The following KCNQ5 variants were observed in gnomAD, a reference collection of about 807,000 sequenced individuals.
KCNQ5 encodes potassium voltage-gated channel subfamily KQT member 5.
In KCNQ5, 30 loss-of-function variants were observed where a neutral mutation model predicts 98.2. That is an observed-to-expected ratio of 0.31 (90% CI 0.23 to 0.41). The LOEUF (loss-of-function observed/expected upper bound fraction) is 0.41. Among genes scored for constraint, KCNQ5 ranks in the 10% least tolerant of loss-of-function variants. The pLI is 1.00. For synonymous variants in KCNQ5, 458 were observed against 449.4 expected, an observed-to-expected ratio of 1.02 and a Z score of -0.24; for missense variants, 835 against 1,182.5, an observed-to-expected ratio of 0.71 and a Z score of 4.31.
chr6:73,087,069 T>G (rs1353847596), intron 5 of KCNQ5, among the ~76,000 whole-genome samples: 1 of 152,210 alleles, frequency 6.6e-6, no homozygotes, highest in Non-Finnish European at 1.5e-5. Flanking sequence ...TAGAATTTAT[T>G]TTGAATTCAA....
rs1425978614 is a variant in KCNQ5, at chr6:73,197,496, T to C, written c.*2082T>C. 2 of 151,954 alleles carry C rather than the reference T, an allele frequency of 1.3e-5. No individual in the cohort carries two copies. Among genetic ancestry groups the C allele is most frequent in the Non-Finnish European group, 2.9e-5 (2 of 68,010 alleles). 9.4% of individuals were successfully genotyped at this position (151,954 alleles called of 1,614,324 possible). On this transcript the variant is annotated 3_prime_UTR_variant, in exon 14 of 14. Transcript: ENST00000370398. Reference sequence around the variant, plus strand: ...TAAGCAATTGTTTTCATTTTCAAAATACAGAATGTTAGTAAATTATGAAAA... The same window carrying C: ...TAAGCAATTGTTTTCATTTTCAAAACACAGAATGTTAGTAAATTATGAAAA...
intron 5 of KCNQ5, among the ~76,000 whole-genome samples, chr6:73,098,950 T>C (rs1293014644): frequency 6.6e-6 from 1 of 152,096 alleles, no homozygotes; most frequent in Admixed American, 6.5e-5. Context: ...TTTCAAGATA[T>C]ACACAGCATA....
At chr6:72,975,304 C>T (rs1008331908) in intron 1 of KCNQ5, among the ~76,000 whole-genome samples, 2 of 150,986 alleles carry the variant, frequency 1.3e-5, no homozygotes, top group African/African-American at 4.9e-5. Flanking sequence ...AGAAAAAAAA[C>T]ATACCTTTTT....
At chr6:72,751,206 C>T (rs1429086907) in intron 1 of KCNQ5, among the ~76,000 whole-genome samples, 1 of 151,438 alleles carries the variant, frequency 6.6e-6, no homozygotes, top group Non-Finnish European at 1.5e-5. Flanking sequence ...TATTGAAATA[C>T]TGAAAGGCAA....
chr6:73,110,049 G>C (rs1562184487), intron 6 of KCNQ5, among the ~76,000 whole-genome samples: 1 of 152,014 alleles, frequency 6.6e-6, no homozygotes, highest in Non-Finnish European at 1.5e-5. Context: ...TTCTAGAAAT[G>C]AAAAACCCAC....
chr6:72,654,693 T>C lies in KCNQ5; in HGVS notation c.398+32106T>C, dbSNP rs184470062. On this transcript the variant is annotated intron_variant, in intron 1 of 13. Coordinates refer to ENST00000370398, the MANE Select transcript of KCNQ5 (RefSeq NM_019842.4). ...ACTTTTATATAAATTGAATGCTTTC[T>C]AGAGCTTAAGATCATTCTTATATGT... Among the ~76,000 whole-genome samples the C allele has an allele frequency of 2.0e-3, 307 of 152,232 alleles. 1 individual carries two copies. The highest frequency in any genetic ancestry group is 5.6e-3 in the African/African-American group (234 of 41,572).
chr6:72,786,111 A>C (rs191650002), intron 1 of KCNQ5, among the ~76,000 whole-genome samples: 56 of 152,332 alleles, frequency 3.7e-4, no homozygotes, highest in Non-Finnish European at 4.4e-4. Flanking sequence ...TATGACATAT[A>C]AAAATTATTA....
intron 1 of KCNQ5, among the ~76,000 whole-genome samples, chr6:72,847,495 G>A (rs1025466716): frequency 2.0e-5 from 3 of 152,150 alleles, no homozygotes; most frequent in Non-Finnish European, 1.5e-5. Context: ...GATTGGGGGT[G>A]GACAACAGCG....
chr6:73,090,587 A>G lies in KCNQ5; in HGVS notation c.918+12700A>G, dbSNP rs144381381. The stretch of plus-strand genomic sequence containing the variant: ...TAATCCACCTTCAGTTGATTCTTGT[A>G]TGTGGTGAGAAATGAGGATCCAGTT... On this transcript the variant is annotated intron_variant, in intron 5 of 13. Coordinates refer to ENST00000370398, the MANE Select transcript of KCNQ5 (RefSeq NM_019842.4). Among the ~76,000 whole-genome samples the G allele has an allele frequency of 2.9e-4, 44 of 152,246 alleles. No individual in the cohort carries two copies. In the East Asian group the frequency reaches 7.3e-3, roughly 25 times the overall value.
At chr6:73,116,121 A>C (rs1254863817) in intron 7 of KCNQ5, among the ~76,000 whole-genome samples, 1 of 152,184 alleles carries the variant, frequency 6.6e-6, no homozygotes, top group African/African-American at 2.4e-5. Flanking sequence ...AAAAAACCAA[A>C]AACTTGTATA....
intron 1 of KCNQ5, among the ~76,000 whole-genome samples, chr6:72,906,795 G>C (rs1251571705): frequency 6.6e-6 from 1 of 152,206 alleles, no homozygotes; most frequent in Non-Finnish European, 1.5e-5. Context: ...CAGAGGGTCT[G>C]TGGGTCCTTT....
chr6:72,627,658 G>T (rs757563067), intron 1 of KCNQ5, among the ~76,000 whole-genome samples: 11 of 152,118 alleles, frequency 7.2e-5, no homozygotes, highest in Non-Finnish European at 1.6e-4. Flanking sequence ...AGTAGTGTAG[G>T]TTAGACTCCA....
intron 3 of KCNQ5, among the ~76,000 whole-genome samples, chr6:73,049,456 G>C (rs1772114682): frequency 6.6e-6 from 1 of 152,134 alleles, no homozygotes; most frequent in East Asian, 1.9e-4. Context: ...GTGAAGTGGG[G>C]GTGCTTTGTC....
Position 72,883,010 on chromosome 6 carries a change from C to T in KCNQ5, c.399-120898C>T, listed in dbSNP as rs191721696. On this transcript the variant is annotated intron_variant, in intron 1 of 13. Transcript: ENST00000370398. Reference sequence around the variant, plus strand: ...AATGTGACTAACAAGTTATGACTCACGCATGTGTTGGTCTGTAATTAATCA... The same window carrying T: ...AATGTGACTAACAAGTTATGACTCATGCATGTGTTGGTCTGTAATTAATCA... 1.1e-3 allele frequency among the ~76,000 whole-genome samples: 171 copies of T among 152,254 alleles called. 1 individual carries two copies. The highest frequency in any genetic ancestry group is 7.1e-3 in the Admixed American group (108 of 15,288).
intron 1 of KCNQ5, among the ~76,000 whole-genome samples, chr6:72,725,262 C>A (rs1440285952): frequency 1.3e-5 from 2 of 151,916 alleles, no homozygotes; most frequent in Non-Finnish European, 2.9e-5. Flanking sequence ...ATATATTCCC[C>A]AAATCTGTAA....
rs561507283 is a variant in KCNQ5, at chr6:73,134,600, G to T, written c.1468+959G>T. Among the ~76,000 whole-genome samples the T allele has an allele frequency of 5.9e-5, 9 of 152,310 alleles. 1 individual carries two copies. The highest frequency in any genetic ancestry group is 2.2e-4 in the African/African-American group (9 of 41,572). On this transcript the variant is annotated intron_variant, in intron 10 of 13. Coordinates refer to ENST00000370398, the MANE Select transcript of KCNQ5 (RefSeq NM_019842.4). ...CGGGTCCCTCTCAGCTTACTCAAAG[G>T]TCCTCAGGGATATCTCTTCCACGCT...
intron 1 of KCNQ5, among the ~76,000 whole-genome samples, chr6:72,707,970 C>A (rs377301720): frequency 4.6e-5 from 7 of 152,274 alleles, no homozygotes; most frequent in African/African-American, 1.7e-4. Context: ...AGGCATGAGC[C>A]ACTGCCTCAA....
chr6:72,656,247 T>C (rs1766189637), intron 1 of KCNQ5, among the ~76,000 whole-genome samples: 1 of 152,162 alleles, frequency 6.6e-6, no homozygotes. Flanking sequence ...AACAGTATGG[T>C]GTTATGAACT....
chr6:72,957,169 G>GC (rs755480750), intron 1 of KCNQ5, among the ~76,000 whole-genome samples: 5 of 100,824 alleles, frequency 5.0e-5, no homozygotes, highest in Non-Finnish European at 1.1e-4. Context: ...TATGTAGGAA[G>GC]CTTTTTTTTT....
Sources: allele counts gnomAD v4.1 joint callset (sites outside exome capture counted in the v4.1 genomes callset), GRCh38; gene constraint gnomAD v4.1.1; transcripts MANE v1.5; gene names NCBI Gene and HGNC (gene_info 2026-07-23, HGNC 2026-07-21).